Variants in MFN1 observed in about 807,000 individuals in gnomAD.
The protein encoded by MFN1 is mitofusin 1.
MFN1 carries 65 observed loss-of-function variants against 92.4 expected under a neutral mutation model. The ratio of observed to expected loss-of-function variants is 0.70; its 90% confidence interval spans 0.58 to 0.86. MFN1 has a LOEUF of 0.86. MFN1 is among the 40% of genes least tolerant of loss of function. The pLI is 0.00. For missense variants in MFN1, 781 were observed against 868.0 expected, an observed-to-expected ratio of 0.90 and a Z score of 1.26; for synonymous variants, 297 against 300.9, an observed-to-expected ratio of 0.99 and a Z score of 0.13.
In MFN1 at chr3:179,348,832, T is replaced by A; in HGVS notation, c.-7-13T>A. ...ACTTTAGTTGGTGCTTTTCTAACTT[T>A]ATCTCCCTCTAGTAGCATAATGGCA... On this transcript the variant is annotated splice_polypyrimidine_tract_variant and intron_variant, in intron 1 of 17. Transcript: ENST00000471841. The A allele has an allele frequency of 1.2e-6, 2 of 1,606,148 alleles. No individual in the cohort carries two copies. The highest frequency in any genetic ancestry group is 1.7e-6 in the Non-Finnish European group (2 of 1,173,774).
chr3:179,365,065 A>G (rs1712731530), intron 6 of MFN1, 53 bp from the exon 7 acceptor site: 4 of 1,028,842 alleles, frequency 3.9e-6, no homozygotes, highest in Non-Finnish European at 5.5e-6. Flanking sequence ...TAAAATTTCA[A>G]TTATAAATGT....
rs1577005205 is a variant in MFN1, at chr3:179,362,403, A to G, written c.457A>G (p.Lys153Glu). Residue 153 changes from lysine (K) to glutamate (E), a missense_variant, in exon 5 of 18, where the codon AAA becomes GAA. Coordinates refer to ENST00000471841, the MANE Select transcript of MFN1 (RefSeq NM_033540.3). ...AHALHMDKDL[K>E]AGCLVRVFWP... ...TGCCCTTCACATGGACAAAGATTTG[A>G]AAGCTGGCTGTCTTGTACGTGTGTT... The G allele has an allele frequency of 6.2e-7, 1 of 1,613,448 alleles. No individual in the cohort carries two copies. Among genetic ancestry groups the G allele is most frequent in the East Asian group, 2.2e-5 (1 of 44,866 alleles).
chr3:179,377,439 A>C lies in MFN1; in HGVS notation c.1320A>C (p.Ile440=), dbSNP rs186155706. Residue 440 remains isoleucine, a synonymous_variant, in exon 12 of 18, where the codon ATA becomes ATC. Coordinates refer to ENST00000471841, the MANE Select transcript of MFN1 (RefSeq NM_033540.3). ...EFHPNPDVLK[I]YKSELNKHIE... ...ATCCTAATCCAGATGTATTAAAAAT[A>C]TATAAAAGTGTAAGTTAAAGTATAG... 1 of 1,560,096 alleles carries C rather than the reference A, an allele frequency of 6.4e-7. No homozygotes were observed. Among genetic ancestry groups the C allele is most frequent in the Non-Finnish European group, 8.8e-7 (1 of 1,137,738 alleles).
chr3:179,365,307 A>AT, intron 7 of MFN1, 82 bp downstream of exon 7: 1 of 776,332 alleles, frequency 1.3e-6, no homozygotes, highest in East Asian at 3.2e-5. Context: ...TGCTTATAGA[A>AT]TAGAAAATTA....
chr3:179,379,292 T>C (rs939449642), intron 14 of MFN1, among the ~76,000 whole-genome samples: 3 of 152,238 alleles, frequency 2.0e-5, no homozygotes, highest in African/African-American at 7.2e-5. Flanking sequence ...TTACCCAGTA[T>C]GGGCTTCTTT....
intron 5 of MFN1, among the ~76,000 whole-genome samples, chr3:179,362,760 G>A (rs1712633525): frequency 6.6e-6 from 1 of 152,088 alleles, no homozygotes. Flanking sequence ...TGCAACCTTC[G>A]CCTGCCGGGT....
intron 4 of MFN1, among the ~76,000 whole-genome samples, chr3:179,360,336 C>G (rs1201718503): frequency 6.6e-6 from 1 of 152,194 alleles, no homozygotes; most frequent in Non-Finnish European, 1.5e-5. Context: ...GCCACCATGC[C>G]TGGCCTCCGA....
Position 179,364,357 on chromosome 3 carries a change from T to C in MFN1, c.597T>C (p.Ala199=). 2 of 1,613,954 alleles carry C rather than the reference T, an allele frequency of 1.2e-6. No individual in the cohort carries two copies. Among genetic ancestry groups the C allele is most frequent in the Non-Finnish European group, 1.7e-6 (2 of 1,179,878 alleles). Residue 199 remains alanine (A), a synonymous_variant, in exon 6 of 18, where the codon GCT becomes GCC. Transcript: ENST00000471841. ...DSWIDKFCLD[A]DVFVLVANSE... ...GGATTGATAAGTTTTGCCTAGATGC[T>C]GATGTCTTTGTTTTGGTCGCAAACT...
At chr3:179,353,046 C>A (rs1712210628) in intron 3 of MFN1, among the ~76,000 whole-genome samples, 1 of 147,948 alleles carries the variant, frequency 6.8e-6, no homozygotes, top group Non-Finnish European at 1.5e-5. Context: ...GCCACCGCAT[C>A]CAGCCTAAAT....
At position 179,391,368 on chromosome 3, in the gene MFN1, A is replaced by G. The variant is rs979697788; in HGVS notation, c.2148-613A>G. On this transcript the variant is annotated intron_variant, in intron 17 of 17. Coordinates refer to ENST00000471841, the MANE Select transcript of MFN1 (RefSeq NM_033540.3). ...AATAGAAAAAAGTTAAAAAAAACAA[A>G]TACCATAATATTTGGAATTTCCATT... 2.0e-5 allele frequency among the ~76,000 whole-genome samples: 3 copies of G among 152,272 alleles called. No individual in the cohort carries two copies. The East Asian group carries it at 5.8e-4, about 29-fold the overall frequency.
intron 3 of MFN1, 43 bp downstream of exon 3, chr3:179,352,078 A>G: frequency 1.9e-6 from 3 of 1,545,316 alleles, no homozygotes; most frequent in South Asian, 1.2e-5. Flanking sequence ...TCCAGGAATC[A>G]GCTTTGTGTC....
At chr3:179,349,244 A>G (rs1712042817) in intron 2 of MFN1, among the ~76,000 whole-genome samples, 1 of 152,188 alleles carries the variant, frequency 6.6e-6, no homozygotes, top group South Asian at 2.1e-4. Flanking sequence ...CATCACCACC[A>G]TCTGTCATTT....
At chr3:179,373,850 T>C (rs937596601) in intron 9 of MFN1, among the ~76,000 whole-genome samples, 1 of 151,890 alleles carries the variant, frequency 6.6e-6, no homozygotes, top group Non-Finnish European at 1.5e-5. Context: ...ATTTTTTGTA[T>C]TTTTAGTAGA....
chr3:179,362,996 G>A (rs368024067), intron 5 of MFN1, among the ~76,000 whole-genome samples: 4 of 152,236 alleles, frequency 2.6e-5, no homozygotes, highest in East Asian at 3.9e-4. Context: ...TAGCCAGATT[G>A]TATCTATGAC....
At chr3:179,348,708 A>C (rs2108520041) in intron 1 of MFN1, 137 bp from the exon 2 acceptor site, 1 of 1,338,178 alleles carries the variant, frequency 7.5e-7, no homozygotes, top group Non-Finnish European at 9.9e-7. Flanking sequence ...GAACACTCCC[A>C]AAAAAGAATT....
At chr3:179,362,794 C>G (rs144597410) in intron 5 of MFN1, among the ~76,000 whole-genome samples, 1 of 152,296 alleles carries the variant, frequency 6.6e-6, no homozygotes, top group East Asian at 1.9e-4. Flanking sequence ...CCACCTCAGT[C>G]TCCTGGGTAG....
At chr3:179,388,673 C>T (rs542485504) in intron 16 of MFN1, among the ~76,000 whole-genome samples, 2 of 152,222 alleles carry the variant, frequency 1.3e-5, no homozygotes, top group South Asian at 2.1e-4. Context: ...CAAGGCTGTA[C>T]AAGTTACTTA....
intron 17 of MFN1, among the ~76,000 whole-genome samples, chr3:179,391,364 A>G (rs963794461): frequency 9.2e-5 from 14 of 152,038 alleles, no homozygotes; most frequent in African/African-American, 3.4e-4. Flanking sequence ...GTTAAAAAAA[A>G]CAAATACCAT....
chr3:179,356,923 TG>T (rs552060862), intron 3 of MFN1, among the ~76,000 whole-genome samples: 2 of 152,086 alleles, frequency 1.3e-5, no homozygotes, highest in Admixed American at 6.6e-5. Context: ...AATGAGGAGA[TG>T]GGGGGGAACC....
Sources: gnomAD v4.1 joint callset for allele counts (sites outside exome capture counted in the v4.1 genomes callset) on GRCh38, gnomAD v4.1.1 for gene constraint, MANE v1.5 for transcripts, NCBI Gene and HGNC (gene_info 2026-07-23, HGNC 2026-07-21) for gene names.